Variants in CADM2 observed in about 807,000 individuals in gnomAD.
CADM2 encodes immunoglobulin superfamily member 4D.
Under a neutral mutation model 49.8 loss-of-function variants are expected in CADM2, and 12 were observed. The observed-to-expected ratio is 0.24, with a 90% confidence interval of 0.15 to 0.39. CADM2 has a LOEUF of 0.39. Ranked by LOEUF, CADM2 falls within the 10% of genes least tolerant of loss-of-function variation. The pLI is 1.00. For synonymous variants in CADM2, 214 were observed against 175.4 expected (o/e 1.22, Z -1.74); for missense variants, 378 against 492.3 (o/e 0.77, Z 2.20).
chr3:85,700,931 C>A (rs2066733547), intron 1 of CADM2, among the ~76,000 whole-genome samples: 1 of 152,142 alleles, frequency 6.6e-6, no homozygotes, highest in African/African-American at 2.4e-5. Flanking sequence ...ATCTTTAGAG[C>A]AATTACCCAC....
chr3:85,083,697 C>T (rs1443278773), intron 1 of CADM2, among the ~76,000 whole-genome samples: 1 of 152,058 alleles, frequency 6.6e-6, no homozygotes, highest in Admixed American at 6.6e-5. Context: ...TTCTCTAACT[C>T]CAGAAAATAT....
At chr3:85,905,422 A>G (rs1327072504) in intron 5 of CADM2, among the ~76,000 whole-genome samples, 1 of 152,172 alleles carries the variant, frequency 6.6e-6, no homozygotes, top group Non-Finnish European at 1.5e-5. Context: ...CCCGAATTAT[A>G]TATATTGACA....
intron 1 of CADM2, among the ~76,000 whole-genome samples, chr3:85,440,134 G>C (rs889707960): frequency 6.6e-6 from 1 of 152,146 alleles, no homozygotes; most frequent in African/African-American, 2.4e-5. Context: ...AAATTCATGA[G>C]TGGCTAAAGT....
chr3:85,064,190 T>G (rs999405816), intron 1 of CADM2, among the ~76,000 whole-genome samples: 6 of 152,106 alleles, frequency 3.9e-5, no homozygotes, highest in Non-Finnish European at 8.8e-5. Flanking sequence ...GTTTCCAGTG[T>G]GAGATGGAGA....
intron 1 of CADM2, among the ~76,000 whole-genome samples, chr3:85,459,135 G>T (rs2038123770): frequency 6.6e-6 from 1 of 152,102 alleles, no homozygotes; most frequent in Non-Finnish European, 1.5e-5. Flanking sequence ...CCAAGTAAAA[G>T]TCACTTGAAC....
chr3:85,829,247 C>T (rs781168677), intron 3 of CADM2, among the ~76,000 whole-genome samples: 14 of 151,696 alleles, frequency 9.2e-5, no homozygotes, highest in Admixed American at 7.9e-4. Context: ...GCTTTCTCTG[C>T]CAAACATAAG....
At chr3:85,116,672 G>A (rs951615344) in intron 1 of CADM2, among the ~76,000 whole-genome samples, 16 of 150,658 alleles carry the variant, frequency 1.1e-4, no homozygotes, top group Non-Finnish European at 2.1e-4. Flanking sequence ...TTCTTTTTTC[G>A]GTGCTATAGG....
At chr3:85,749,946 G>A (rs908384142) in intron 2 of CADM2, among the ~76,000 whole-genome samples, 2 of 151,948 alleles carry the variant, frequency 1.3e-5, no homozygotes, top group African/African-American at 4.8e-5. Flanking sequence ...TGTTTTAAGA[G>A]TATATACCTC....
intron 1 of CADM2, among the ~76,000 whole-genome samples, chr3:85,593,826 C>G (rs1326100803): frequency 3.3e-5 from 5 of 151,768 alleles, no homozygotes; most frequent in South Asian, 4.2e-4. Context: ...GGACTCTTTC[C>G]AAATACTTGA....
intron 1 of CADM2, among the ~76,000 whole-genome samples, chr3:85,307,845 A>C (rs191859136): frequency 1.7e-3 from 254 of 151,830 alleles, no homozygotes; most frequent in Non-Finnish European, 2.1e-3. Flanking sequence ...TATTTGTTTC[A>C]CAGCATTAGA....
rs989823279 is a variant in CADM2, at chr3:85,763,436, C to T, written c.88+36888C>T. ...TCCTTTGGAAATAACACCATCTTCA[C>T]CCATACAAAGGTAGCTTTATATTCA... On this transcript the variant is annotated intron_variant, in intron 2 of 9. Transcript: ENST00000383699. Among the ~76,000 whole-genome samples the T allele has an allele frequency of 3.9e-5, 6 of 152,156 alleles. No individual in the cohort carries two copies. In the East Asian group the frequency reaches 7.7e-4, roughly 20 times the overall value.
At chr3:85,730,047 C>G (rs936429179) in intron 2 of CADM2, among the ~76,000 whole-genome samples, 2 of 152,036 alleles carry the variant, frequency 1.3e-5, no homozygotes, top group African/African-American at 4.8e-5. Flanking sequence ...TTTGAAATAC[C>G]TTTAACTTCT....
chr3:86,014,746 C>CGCTCTCAG, intron 8 of CADM2: 3 of 1,489,646 alleles, frequency 2.0e-6, no homozygotes, highest in Non-Finnish European at 2.7e-6. Flanking sequence ...AATACTGACA[C>CGCTCTCAG]GCTCTCAGCC....
chr3:86,001,821 A>G (rs1730224941), intron 8 of CADM2, among the ~76,000 whole-genome samples: 2 of 152,190 alleles, frequency 1.3e-5, no homozygotes, highest in African/African-American at 4.8e-5. Context: ...TTAATATTAA[A>G]GAGAAAAATA....
intron 1 of CADM2, among the ~76,000 whole-genome samples, chr3:85,068,646 T>G (rs965339178): frequency 5.3e-5 from 8 of 152,176 alleles, no homozygotes; most frequent in African/African-American, 4.8e-5. Context: ...AGGAACCATT[T>G]GTATAAGTGG....
chr3:85,922,481 A>G (rs1287408969), intron 6 of CADM2, among the ~76,000 whole-genome samples: 1 of 152,076 alleles, frequency 6.6e-6, no homozygotes, highest in Non-Finnish European at 1.5e-5. Context: ...AGAACTTTCA[A>G]TACAAAATTT....
chr3:85,358,665 A>G (rs1474666323), intron 1 of CADM2, among the ~76,000 whole-genome samples: 1 of 152,184 alleles, frequency 6.6e-6, no homozygotes, highest in Admixed American at 6.6e-5. Context: ...AAATTGATGA[A>G]AAATGGAAAG....
intron 1 of CADM2, among the ~76,000 whole-genome samples, chr3:85,251,615 A>G (rs1576213604): frequency 6.6e-6 from 1 of 152,016 alleles, no homozygotes; most frequent in East Asian, 1.9e-4. Context: ...CAGATATTGT[A>G]TCATCTGAAT....
At chr3:85,741,634 C>T (rs1314680133) in intron 2 of CADM2, among the ~76,000 whole-genome samples, 1 of 152,166 alleles carries the variant, frequency 6.6e-6, no homozygotes, top group Non-Finnish European at 1.5e-5. Context: ...TGCCATTGCA[C>T]TCCAGCCTGG....
Sources: allele counts gnomAD v4.1 joint callset (sites outside exome capture counted in the v4.1 genomes callset), GRCh38; gene constraint gnomAD v4.1.1; transcripts MANE v1.5; gene names NCBI Gene and HGNC (gene_info 2026-07-23, HGNC 2026-07-21).